UHMK1: variants seen among roughly 807,000 people sequenced by gnomAD.
UHMK1 encodes the protein serine/threonine-protein kinase Kist.
In UHMK1, 18 loss-of-function variants were observed where a neutral mutation model predicts 44.0. That is an observed-to-expected ratio of 0.41 (90% CI 0.28 to 0.61). The LOEUF (loss-of-function observed/expected upper bound fraction) is 0.61. UHMK1 is among the 20% of genes least tolerant of loss of function. The probability of loss-of-function intolerance (pLI) is 0.31; values close to 1 mark genes in which losing one functional copy is unlikely to be tolerated. For missense variants in UHMK1, 463 were observed against 522.5 expected (o/e 0.89, Z 1.11); for synonymous variants, 231 against 198.5 (o/e 1.16, Z -1.38).
chr1:162,500,603 A>G (rs750577272), intron 2 of UHMK1: 4 of 406,430 alleles, frequency 9.8e-6, no homozygotes, highest in Non-Finnish European at 1.3e-5. Context: ...TGCATATGAT[A>G]GTTCTGCCAA....
In UHMK1 at chr1:162,503,736, T is replaced by G. The variant is rs1651363310; in HGVS notation, c.754-18T>G. ...ACAGACTGAATAACCAAAGGAAAAC[T>G]TTTCTCCGTTTTTTAAGGCAAACAG... On this transcript the variant is annotated intron_variant, in intron 3 of 7. Coordinates refer to ENST00000489294, the MANE Select transcript of UHMK1 (RefSeq NM_175866.5). 6.8e-6 allele frequency: 11 copies of G among 1,608,892 alleles called. No homozygotes were observed. In the East Asian group the frequency reaches 2.5e-4, roughly 36 times the overall value.
chr1:162,523,893 CATA>C lies in UHMK1; in HGVS notation c.*1346_*1348del, dbSNP rs2101688421. ...GAATTCTTAAAAGGATTCATAGCAA[CATA>C]ATGTGTCCCTGAGTAGAGGATGCTG... is the stretch of plus-strand genomic sequence containing the variant. On this transcript the variant is annotated 3_prime_UTR_variant, in exon 8 of 8. Transcript: ENST00000489294. The C allele has an allele frequency of 6.6e-6, 1 of 152,250 alleles. No individual in the cohort carries two copies. Among genetic ancestry groups the C allele is most frequent in the African/African-American group, 2.4e-5 (1 of 41,542 alleles). The allele number at this position is 152,250 out of a possible 1,614,324, so 9.4% of individuals were successfully genotyped here.
At chr1:162,509,426 T>C (rs1470827992) in intron 4 of UHMK1, among the ~76,000 whole-genome samples, 1 of 152,216 alleles carries the variant, frequency 6.6e-6, no homozygotes, top group Non-Finnish European at 1.5e-5. Context: ...AAGAACTGCT[T>C]GTATTCACTT....
intron 4 of UHMK1, among the ~76,000 whole-genome samples, chr1:162,506,581 A>C (rs1406150050): frequency 6.6e-6 from 1 of 152,116 alleles, no homozygotes; most frequent in African/African-American, 2.4e-5. Flanking sequence ...TGTTTCCTTG[A>C]GTGTCCTATA....
intron 4 of UHMK1, among the ~76,000 whole-genome samples, chr1:162,506,723 G>A (rs1262300863): frequency 6.6e-6 from 1 of 152,122 alleles, no homozygotes; most frequent in African/African-American, 2.4e-5. Flanking sequence ...AAAGTAGCCG[G>A]GCCTGGTGGC....
chr1:162,501,262 C>T (rs959340733), intron 3 of UHMK1, among the ~76,000 whole-genome samples, 158 bp downstream of exon 3: 3 of 152,106 alleles, frequency 2.0e-5, no homozygotes, highest in South Asian at 4.1e-4. Flanking sequence ...CTCCACCTTC[C>T]GGTTTCAACC....
chr1:162,518,287 G>A, intron 7 of UHMK1, 97 bp downstream of exon 7: 1 of 836,854 alleles, frequency 1.2e-6, no homozygotes. Context: ...ACAAAATTTT[G>A]CTAAGGATTA....
rs190939924 is a variant in UHMK1 at position 162,504,187 on chromosome 1, A to C, written c.848+339A>C. ...GCTTTTGGACTACTCCCCTCCCCCCAAAAAAAGACCCAAAAACCATTTCGA... is the reference window on the plus strand; with the variant it reads ...GCTTTTGGACTACTCCCCTCCCCCCCAAAAAAGACCCAAAAACCATTTCGA... On this transcript the variant is annotated intron_variant, in intron 4 of 7. Transcript: ENST00000489294. Among the ~76,000 whole-genome samples the C allele has an allele frequency of 3.4e-3, 521 of 152,240 alleles. 3 individuals are homozygous for C. Among genetic ancestry groups the C allele is most frequent in the Admixed American group, 5.6e-3 (86 of 15,288 alleles).
At chr1:162,511,667 A>G (rs1247107380) in intron 4 of UHMK1, among the ~76,000 whole-genome samples, 1 of 152,146 alleles carries the variant, frequency 6.6e-6, no homozygotes, top group Non-Finnish European at 1.5e-5. Context: ...TCAAAAATTC[A>G]GTGCTCAGAA....
At position 162,509,077 on chromosome 1, in the gene UHMK1, G is replaced by C. The variant is rs528720863; in HGVS notation, c.849-3423G>C. Among the ~76,000 whole-genome samples the C allele has an allele frequency of 2.6e-5, 4 of 152,182 alleles. No individual in the cohort carries two copies. In the East Asian group the frequency reaches 7.7e-4, roughly 29 times the overall value. Reference sequence around the variant, plus strand: ...TGGGATTACAGGCGTGAGCCACCACGCACAGTCAGTTATAATCCTTTTTAT... The same window carrying C: ...TGGGATTACAGGCGTGAGCCACCACCCACAGTCAGTTATAATCCTTTTTAT... On this transcript the variant is annotated intron_variant, in intron 4 of 7. Transcript: ENST00000489294.
At chr1:162,512,304 A>G (rs903097240) in intron 4 of UHMK1, among the ~76,000 whole-genome samples, 196 bp from the exon 5 acceptor site, 1 of 151,970 alleles carries the variant, frequency 6.6e-6, no homozygotes, top group African/African-American at 2.4e-5. Context: ...ATCACAGTAT[A>G]ATGTCATAGG....
At chr1:162,511,953 T>G (rs556563488) in intron 4 of UHMK1, among the ~76,000 whole-genome samples, 1 of 152,250 alleles carries the variant, frequency 6.6e-6, no homozygotes. Flanking sequence ...TGTGTGTCTG[T>G]TTTCATATCA....
At chr1:162,499,294 C>T (rs1401672217) in intron 1 of UHMK1, among the ~76,000 whole-genome samples, 2 of 152,118 alleles carry the variant, frequency 1.3e-5, no homozygotes, top group Non-Finnish European at 2.9e-5. Flanking sequence ...CTACCTCAGC[C>T]TCCCAGGTAG....
chr1:162,516,262 T>C (rs1355046462), intron 6 of UHMK1, among the ~76,000 whole-genome samples: 1 of 152,234 alleles, frequency 6.6e-6, no homozygotes, highest in African/African-American at 2.4e-5. Context: ...TTACTTCTGA[T>C]GAACAGGGTC....
At chr1:162,521,951 A>G (rs1652074858) in intron 7 of UHMK1, among the ~76,000 whole-genome samples, 2 of 152,146 alleles carry the variant, frequency 1.3e-5, no homozygotes, top group Admixed American at 1.3e-4. Context: ...AATAGGTGCA[A>G]TTTCCAGCAG....
At chr1:162,513,155 G>A in intron 6 of UHMK1, 1 of 273,074 alleles carries the variant, frequency 3.7e-6, no homozygotes, top group South Asian at 3.6e-5. Flanking sequence ...TGGTCAGCTG[G>A]TCTCGAACTC....
chr1:162,501,085 T>G lies in UHMK1; in HGVS notation c.734T>G (p.Val245Gly). 6.2e-7 allele frequency: 1 copy of G among 1,614,016 alleles called. No individual in the cohort carries two copies. The highest frequency in any genetic ancestry group is 8.5e-7 in the Non-Finnish European group (1 of 1,179,980). ...TCAGGAATGAAACTGAAACATACAG[T>G]CAGATCTCAGGAATGGAAGGTAAAC... ...MFSGMKLKHT[V>G]RSQEWKANSS... The change falls in exon 3 of 8, where the codon GTC becomes GGC. Residue 245 changes from valine (V) to glycine (G), a missense_variant. Physicochemically the swap from Val to Gly is moderately radical, Grantham distance 109 (BLOSUM62 -3). Coordinates refer to ENST00000489294, the MANE Select transcript of UHMK1 (RefSeq NM_175866.5).
chr1:162,510,746 A>G (rs1651635996), intron 4 of UHMK1, among the ~76,000 whole-genome samples: 1 of 151,808 alleles, frequency 6.6e-6, no homozygotes, highest in Admixed American at 6.6e-5. Context: ...CATATCTTGT[A>G]TATTGTGAAT....
rs1652293676 is a variant in UHMK1 at position 162,527,533 on chromosome 1, G to C, written c.*4983G>C. ...CATTTTCCTACCACTCAGCACTTTT[G>C]TTCTGCCTTGTACTGCTTATGAGGA... On this transcript the variant is annotated 3_prime_UTR_variant, in exon 8 of 8. Transcript: ENST00000489294. 1 of 152,030 alleles carries C rather than the reference G, an allele frequency of 6.6e-6. No homozygotes were observed. Among genetic ancestry groups the C allele is most frequent in the Non-Finnish European group, 1.5e-5 (1 of 67,928 alleles). 9.4% of individuals were successfully genotyped at this position (152,030 alleles called of 1,614,324 possible).
Sources: allele counts gnomAD v4.1 joint callset (sites outside exome capture counted in the v4.1 genomes callset), GRCh38; gene constraint gnomAD v4.1.1; transcripts MANE v1.5; gene names NCBI Gene and HGNC (gene_info 2026-07-23, HGNC 2026-07-21).